The following ZNF57 variants were observed in gnomAD, a reference collection of about 807,000 sequenced individuals.
ZNF57 encodes zinc finger protein 57, also known as zinc finger protein 424.
A neutral mutation model predicts 13.4 loss-of-function variants in ZNF57; 11 were observed. That is an observed-to-expected ratio of 0.82 (90% CI 0.52 to 1.36). The LOEUF (loss-of-function observed/expected upper bound fraction) is 1.36. Among genes scored for constraint, ZNF57 ranks in the 40% most tolerant of loss-of-function variants. ZNF57 has a pLI of 0.00. For missense variants in ZNF57, 696 were observed against 667.5 expected, an observed-to-expected ratio of 1.04 and a Z score of -0.47; for synonymous variants, 224 against 238.5, an observed-to-expected ratio of 0.94 and a Z score of 0.56.
intron 1 of ZNF57, among the ~76,000 whole-genome samples, chr19:2,905,988 G>A (rs557100863): frequency 2.6e-5 from 4 of 152,102 alleles, no homozygotes; most frequent in Non-Finnish European, 5.9e-5. Flanking sequence ...CTCAGTCCGC[G>A]TGCCATCTCT....
rs2088232182 is a variant in ZNF57, at chr19:2,918,130, T to G, written c.1509T>G (p.Pro503=). 1 of 1,614,160 alleles carries G rather than the reference T, an allele frequency of 6.2e-7. No individual in the cohort carries two copies. The highest frequency in any genetic ancestry group is 8.5e-7 in the Non-Finnish European group (1 of 1,180,036). The change falls in exon 4 of 4, where the codon CCT becomes CCG. Residue 503 remains proline, a synonymous_variant. Coordinates refer to ENST00000306908, the MANE Select transcript of ZNF57 (RefSeq NM_173480.3). ...TGAGGATGCACACTGGAGAGAAACC[T>G]CACAAATGTAAACAATGTGGGATGT... ...NHVRMHTGEK[P]HKCKQCGMSF...
At position 2,918,220 on chromosome 19, in the gene ZNF57, A is replaced by T; in HGVS notation, c.1599A>T (p.Glu533Asp). The change falls in exon 4 of 4, where the codon GAA (glutamate) becomes GAT (aspartate). Residue 533 changes from glutamate to aspartate, a missense_variant. By Grantham distance (45) the Glu-to-Asp change is conservative. Transcript: ENST00000306908. ...TGCACACAGGACAGAAATCCCACGA[A>T]TGTCAGTCATACTCAAAAGCCTTCA... ...LRMHTGQKSHECQSYSKAFSC... is the reference protein window; with the variant it reads ...LRMHTGQKSHDCQSYSKAFSC... The T allele has an allele frequency of 6.2e-7, 1 of 1,614,126 alleles. No individual in the cohort carries two copies. The highest frequency in any genetic ancestry group is 8.5e-7 in the Non-Finnish European group (1 of 1,179,992).
At chr19:2,915,849 G>A in intron 2 of ZNF57, 1 of 1,025,778 alleles carries the variant, frequency 9.7e-7, no homozygotes, top group Non-Finnish European at 1.5e-6. Flanking sequence ...TAAAGGACTT[G>A]AAGTTCCTTT....
chr19:2,914,984 AAAATAAAGGG>A (rs2088176299), intron 1 of ZNF57, among the ~76,000 whole-genome samples: 1 of 152,154 alleles, frequency 6.6e-6, no homozygotes, highest in African/African-American at 2.4e-5. Context: ...ATAATTTAAG[AAAATAAAGGG>A]GAATAAAGGG....
At position 2,915,852 on chromosome 19, in the gene ZNF57, G is replaced by C. The variant is rs1282716092; in HGVS notation, c.130+204G>C. ...TCTGTCTTGGTTTAAAGGACTTGAA[G>C]TTCCTTTAGTGTCATTAGTAGGGGT... On this transcript the variant is annotated intron_variant, in intron 2 of 3. Coordinates refer to ENST00000306908, the MANE Select transcript of ZNF57 (RefSeq NM_173480.3). 6 of 994,302 alleles carry C rather than the reference G, an allele frequency of 6.0e-6. No individual in the cohort carries two copies. In the African/African-American group the frequency reaches 6.4e-5, roughly 11 times the overall value. 61.6% of individuals were successfully genotyped at this position (994,302 alleles called of 1,614,324 possible).
chr19:2,915,012 G>T (rs1279239949), intron 1 of ZNF57: 3 of 154,402 alleles, frequency 1.9e-5, no homozygotes, highest in Non-Finnish European at 2.9e-5. Flanking sequence ...GGGGGAAAAC[G>T]GATACAATGT....
chr19:2,916,036 G>A (rs377144747), intron 2 of ZNF57, 42 bp from the exon 3 acceptor site: 69 of 1,582,106 alleles, frequency 4.4e-5, no homozygotes, highest in African/African-American at 3.8e-4. Context: ...TGCTTAATAC[G>A]TGTCTTATTC....
rs554420090 is a variant in ZNF57, at chr19:2,904,570, T to C, written c.3+3522T>C. 1.1e-4 allele frequency among the ~76,000 whole-genome samples: 17 copies of C among 151,928 alleles called. No individual in the cohort carries two copies. The East Asian group carries it at 3.3e-3, about 29-fold the overall frequency. The stretch of plus-strand genomic sequence containing the variant: ...GTTTTTGTTTTTTTTGAGACAGAGT[T>C]TCGCTCTGTGGCCCAGGCTGGAGTG... On this transcript the variant is annotated intron_variant, in intron 1 of 3. Transcript: ENST00000306908.
chr19:2,916,656 C>T, intron 3 of ZNF57: 1 of 274,500 alleles, frequency 3.6e-6, no homozygotes. Context: ...GCAGAGCTTG[C>T]AGTGAGCTGA....
In ZNF57 at chr19:2,918,039, A is replaced by G. The variant is rs2088230152; in HGVS notation, c.1418A>G (p.Glu473Gly). ...GGTCATTTGAGGATGCACACTGGAG[A>G]GAAGCCTTATGAGTGTAAACAATGT... ...FQGHLRMHTG[E>G]KPYECKQCGK... The change falls in exon 4 of 4, where the codon GAG (glutamate) becomes GGG (glycine). Residue 473 changes from glutamate to glycine, a missense_variant. This residue lies in a region of ZNF57 where 645 missense variants were observed against 591.5 expected (regional missense o/e 1.09). Coordinates refer to ENST00000306908, the MANE Select transcript of ZNF57 (RefSeq NM_173480.3). The G allele has an allele frequency of 3.7e-6, 6 of 1,614,114 alleles. No homozygotes were observed. Among genetic ancestry groups the G allele is most frequent in the Non-Finnish European group, 5.1e-6 (6 of 1,180,034 alleles).
intron 1 of ZNF57, among the ~76,000 whole-genome samples, chr19:2,912,569 G>C (rs1390641175): frequency 6.6e-6 from 1 of 152,088 alleles, no homozygotes. Context: ...TGAGGGGGCA[G>C]AGCTTGCCTT....
rs546868801 is a variant in ZNF57 at position 2,916,448 on chromosome 19, C to T, written c.302+199C>T. On this transcript the variant is annotated intron_variant, in intron 3 of 3. Coordinates refer to ENST00000306908, the MANE Select transcript of ZNF57 (RefSeq NM_173480.3). ...TTACAGGGGGCCGGGCGCGATGGCT[C>T]ACGCCTGTAATCCCAGCACTTTGGG... 173 of 485,746 alleles carry T rather than the reference C, an allele frequency of 3.6e-4. 2 individuals are homozygous for T. The East Asian group carries it at 4.5e-3, about 13-fold the overall frequency. 30.1% of individuals were successfully genotyped at this position (485,746 alleles called of 1,614,324 possible). A position where few individuals can be genotyped will look rare whatever the true frequency, so the allele number is the denominator to read the frequency against.
intron 2 of ZNF57, 92 bp downstream of exon 2, chr19:2,915,740 T>A (rs2043336): frequency 0.86 from 1,371,694 of 1,589,416 alleles, 593,747 homozygotes; most frequent in Non-Finnish European, 0.88. Flanking sequence ...GGGAAAGGAC[T>A]AAGACAGACA....
chr19:2,905,587 A>AC (rs1253259136), intron 1 of ZNF57, among the ~76,000 whole-genome samples: 1 of 144,658 alleles, frequency 6.9e-6, no homozygotes, highest in Non-Finnish European at 1.5e-5. Flanking sequence ...ATAGGGTGAA[A>AC]CCCCGTCTCT....
chr19:2,913,688 AACTCTC>A (rs1249994056), intron 1 of ZNF57, among the ~76,000 whole-genome samples: 1 of 135,404 alleles, frequency 7.4e-6, no homozygotes, highest in East Asian at 2.3e-4. Flanking sequence ...GGGGGAGACT[AACTCTC>A]ACTCTGTCAG....
chr19:2,901,499 G>A (rs1411289850), intron 1 of ZNF57, among the ~76,000 whole-genome samples: 1 of 150,104 alleles, frequency 6.7e-6, no homozygotes, highest in African/African-American at 2.4e-5. Flanking sequence ...AAAGGGTGAT[G>A]GGATTATTAT....
intron 1 of ZNF57, among the ~76,000 whole-genome samples, chr19:2,910,946 T>G (rs1426643488): frequency 6.6e-6 from 1 of 151,446 alleles, no homozygotes; most frequent in Non-Finnish European, 1.5e-5. Flanking sequence ...TTATTTTGTC[T>G]TCCACTCTTT....
Position 2,911,496 on chromosome 19 carries a change from G to A in ZNF57, c.4-4026G>A, listed in dbSNP as rs557191227. Among the ~76,000 whole-genome samples the A allele has an allele frequency of 1.6e-4, 24 of 151,894 alleles. 1 individual carries two copies. The South Asian group carries it at 3.8e-3, about 24-fold the overall frequency. On this transcript the variant is annotated intron_variant, in intron 1 of 3. Transcript: ENST00000306908. ...TGCAGTGAACTGAGATTGTGTCATC[G>A]CACTCCAGCCTGGGCGACAGAGGGA...
intron 1 of ZNF57, 107 bp from the exon 2 acceptor site, chr19:2,915,415 A>T (rs1313638628): frequency 5.0e-6 from 7 of 1,406,710 alleles, no homozygotes; most frequent in East Asian, 2.3e-5. Context: ...GTCATAGAGG[A>T]GGTGTTGGGA....
Sources: allele counts gnomAD v4.1 joint callset (sites outside exome capture counted in the v4.1 genomes callset), GRCh38; gene constraint gnomAD v4.1.1; regional missense constraint gnomAD v4.1.1; transcripts MANE v1.5; gene names NCBI Gene and HGNC (gene_info 2026-07-23, HGNC 2026-07-21).